Variants in DLC1 observed in about 807,000 individuals in gnomAD.
The protein encoded by DLC1 is DLC1 Rho GTPase activating protein.
Under a neutral mutation model 140.3 loss-of-function variants are expected in DLC1, and 54 were observed. That is an observed-to-expected ratio of 0.38 (90% CI 0.31 to 0.48). The LOEUF is 0.48. Ranked by LOEUF, DLC1 falls within the 20% of genes least tolerant of loss-of-function variation. The pLI, the probability that DLC1 is intolerant of heterozygous loss-of-function variation, is 0.96. For missense variants in DLC1, 2,536 were observed against 1,907.0 expected, an observed-to-expected ratio of 1.33 and a Z score of -6.14; for synonymous variants, 986 against 728.1, an observed-to-expected ratio of 1.35 and a Z score of -5.70.
At chr8:13,473,961 C>G (rs1360920840) in intron 2 of DLC1, among the ~76,000 whole-genome samples, 1 of 152,190 alleles carries the variant, frequency 6.6e-6, no homozygotes, top group Non-Finnish European at 1.5e-5. Flanking sequence ...AAGAAAATCC[C>G]ATTTTCCGAG....
At chr8:13,185,276 C>A (rs1233560690) in intron 5 of DLC1, among the ~76,000 whole-genome samples, 2 of 95,248 alleles carry the variant, frequency 2.1e-5, no homozygotes, top group Admixed American at 1.1e-4. Flanking sequence ...CAGTCTGTGT[C>A]TTTTCTGTTT....
intron 5 of DLC1, chr8:13,214,571 TTTTG>T: frequency 4.5e-6 from 3 of 664,456 alleles, no homozygotes; most frequent in Admixed American, 2.3e-5. Context: ...TTTTTTTTTT[TTTTG>T]TGGCTGCCCG....
At chr8:13,166,853 G>A (rs1460181738) in intron 5 of DLC1, among the ~76,000 whole-genome samples, 11 of 152,186 alleles carry the variant, frequency 7.2e-5, no homozygotes, top group Admixed American at 6.5e-5. Flanking sequence ...GGGCCTGAGA[G>A]GTGAGTTTAG....
intron 5 of DLC1, among the ~76,000 whole-genome samples, chr8:13,129,156 T>C (rs889155439): frequency 1.3e-5 from 2 of 152,246 alleles, no homozygotes; most frequent in Non-Finnish European, 2.9e-5. Flanking sequence ...ACACCGCTGA[T>C]GGCGCTCATT....
intron 1 of DLC1, among the ~76,000 whole-genome samples, chr8:13,506,610 C>CATATATATATACACATATATATATATAT (rs1304836752): frequency 8.4e-6 from 1 of 118,570 alleles, no homozygotes; most frequent in Admixed American, 9.6e-5. Context: ...TATATATATA[C>CATATATATATACACATATATATATATAT]ACATATATAT....
chr8:13,424,051 T>C (rs1020014462), intron 2 of DLC1, among the ~76,000 whole-genome samples: 1 of 152,232 alleles, frequency 6.6e-6, no homozygotes, highest in African/African-American at 2.4e-5. Context: ...GTCTTTATTC[T>C]ATTTAATGGA....
intron 1 of DLC1, among the ~76,000 whole-genome samples, chr8:13,579,006 G>A (rs560603896): frequency 6.6e-6 from 1 of 151,614 alleles, no homozygotes; most frequent in South Asian, 2.1e-4. Context: ...CTCCCATTCC[G>A]AGGCTATCCA....
intron 5 of DLC1, among the ~76,000 whole-genome samples, chr8:13,115,938 A>C (rs1479611164): frequency 6.6e-6 from 1 of 152,202 alleles, no homozygotes. Flanking sequence ...AAGTGCTCTG[A>C]TTACAAACGG....
rs567511359 is a variant in DLC1, at chr8:13,572,097, T to TTA, written c.-126+32439_-126+32440insTA. 7.0e-3 allele frequency among the ~76,000 whole-genome samples: 1,005 copies of TTA among 142,890 alleles called. 14 individuals carry two copies. Among genetic ancestry groups the TTA allele is most frequent in the African/African-American group, 0.022 (881 of 39,454 alleles). The allele number at this position is 142,890 out of a possible 152,430, so 93.7% of individuals were successfully genotyped here. On this transcript the variant is annotated intron_variant, in intron 1 of 1. Transcript: ENST00000631382. ...CAGGATTATTATTATTATTATTTATTTTTTTTTTTTGAGATGGAGTCTCAC... is the reference window on the plus strand; with the variant it reads ...CAGGATTATTATTATTATTATTTATTTATTTTTTTTTTGAGATGGAGTCTCAC...
At chr8:13,210,934 T>C (rs1473174609) in intron 5 of DLC1, among the ~76,000 whole-genome samples, 1 of 152,230 alleles carries the variant, frequency 6.6e-6, no homozygotes, top group African/African-American at 2.4e-5. Flanking sequence ...ACATTTAAAA[T>C]GAATAGAGTG....
chr8:13,186,557 T>C (rs1826380590), intron 5 of DLC1, among the ~76,000 whole-genome samples: 1 of 152,210 alleles, frequency 6.6e-6, no homozygotes, highest in African/African-American at 2.4e-5. Flanking sequence ...GTCTAATCTT[T>C]TTTCAAGGAT....
At chr8:13,132,888 C>T (rs1197214728) in intron 5 of DLC1, 18 of 1,551,072 alleles carry the variant, frequency 1.2e-5, no homozygotes, top group Admixed American at 2.0e-5. Flanking sequence ...GCGGCGGGTC[C>T]CCTCCGCAGC....
chr8:13,219,533 T>C (rs917704393), intron 5 of DLC1, among the ~76,000 whole-genome samples: 4 of 150,648 alleles, frequency 2.7e-5, no homozygotes, highest in African/African-American at 9.7e-5. Context: ...TAAATATATA[T>C]ACATTTATAT....
intron 5 of DLC1, among the ~76,000 whole-genome samples, chr8:13,246,437 T>C (rs897589874): frequency 1.3e-5 from 2 of 152,314 alleles, no homozygotes; most frequent in East Asian, 1.9e-4. Context: ...TGTTTCAACA[T>C]ATAGAGTGGT....
chr8:13,131,902 C>T (rs997837340), intron 5 of DLC1, among the ~76,000 whole-genome samples: 1 of 152,062 alleles, frequency 6.6e-6, no homozygotes, highest in South Asian at 2.1e-4. Context: ...GAAGGACGCT[C>T]GCGGACGCAG....
chr8:13,484,456 T>C (rs1478027972), intron 2 of DLC1, among the ~76,000 whole-genome samples: 1 of 152,148 alleles, frequency 6.6e-6, no homozygotes, highest in East Asian at 1.9e-4. Context: ...ATTTCTGAAA[T>C]AAGTCTTGTA....
At chr8:13,272,689 G>A (rs1830989259) in intron 5 of DLC1, among the ~76,000 whole-genome samples, 1 of 151,884 alleles carries the variant, frequency 6.6e-6, no homozygotes, top group African/African-American at 2.4e-5. Flanking sequence ...GTGAAACCCC[G>A]TCTCTACTAA....
rs1563357492 is a variant in DLC1 at position 13,451,060 on chromosome 8, A to AAAAAAAAAAAAG, written c.1023+47988_1023+47989insCTTTTTTTTTTT. ...CTCAAAAAAAAAAAAAAAAAAAAAA[A>AAAAAAAAAAAAG]AAAAAAAAGAAAAAAAGAAAAAGGA... On this transcript the variant is annotated intron_variant, in intron 2 of 17. Coordinates refer to ENST00000276297, the MANE Select transcript of DLC1 (RefSeq NM_182643.3). Among the ~76,000 whole-genome samples the AAAAAAAAAAAAG allele has an allele frequency of 1.0e-4, 15 of 148,218 alleles. No individual in the cohort carries two copies. In the East Asian group the frequency reaches 2.8e-3, roughly 27 times the overall value.
chr8:13,162,866 T>C (rs1824822161), intron 5 of DLC1, among the ~76,000 whole-genome samples: 1 of 152,170 alleles, frequency 6.6e-6, no homozygotes, highest in African/African-American at 2.4e-5. Context: ...CCCAGGAGTA[T>C]GAGGCTGCAG....
Sources: allele counts gnomAD v4.1 joint callset (sites outside exome capture counted in the v4.1 genomes callset), GRCh38; gene constraint gnomAD v4.1.1; transcripts MANE v1.5; gene names NCBI Gene and HGNC (gene_info 2026-07-23, HGNC 2026-07-21).